DNAH8: variants seen among roughly 807,000 people sequenced by gnomAD.
DNAH8 encodes dynein axonemal heavy chain 8, also known as axonemal beta dynein heavy chain 8.
In DNAH8, 382 loss-of-function variants were observed where a neutral mutation model predicts 562.1. The ratio of observed to expected loss-of-function variants is 0.68; its 90% CI spans 0.63 to 0.74. DNAH8 has a LOEUF of 0.74. Among genes scored for constraint, DNAH8 ranks in the 30% least tolerant of loss-of-function variants. The pLI is 0.00. For missense variants in DNAH8, 5,203 were observed against 5,620.4 expected, an observed-to-expected ratio of 0.93 and a Z score of 2.37; for synonymous variants, 1,881 against 1,919.4, an observed-to-expected ratio of 0.98 and a Z score of 0.52.
intron 87 of DNAH8, among the ~76,000 whole-genome samples, chr6:38,989,563 A>AT (rs746903243): frequency 6.6e-6 from 1 of 152,204 alleles, no homozygotes; most frequent in Non-Finnish European, 1.5e-5. Flanking sequence ...GCTGGGGCTC[A>AT]TTGCTGTGTG....
chr6:38,751,776 A>C (rs1562650553), intron 9 of DNAH8, among the ~76,000 whole-genome samples: 1 of 152,204 alleles, frequency 6.6e-6, no homozygotes, highest in Non-Finnish European at 1.5e-5. Flanking sequence ...ATTTAATAGA[A>C]GGAGAAGTCA....
rs572577008 is a variant in DNAH8 at position 38,790,436 on chromosome 6, C to T, written c.2781+31C>T. On this transcript the variant is annotated intron_variant, in intron 20 of 92. Transcript: ENST00000327475. Reference sequence around the variant, plus strand: ...ATCTATACATTTAAAAAGCTATCAACATATATACTCAGGATATAAGTAATA... The same window carrying T: ...ATCTATACATTTAAAAAGCTATCAATATATATACTCAGGATATAAGTAATA... 9.7e-6 allele frequency: 10 copies of T among 1,030,222 alleles called. No homozygotes were observed. In the African/African-American group the frequency reaches 1.1e-4, roughly 12 times the overall value. The allele number at this position is 1,030,222 out of a possible 1,614,324, so 63.8% of individuals were successfully genotyped here.
In DNAH8 at chr6:38,934,564, G is replaced by T. The variant is rs564724316; in HGVS notation, c.11458-1028G>T. Among the ~76,000 whole-genome samples, 5 of 152,092 alleles carry T rather than the reference G, an allele frequency of 3.3e-5. No homozygotes were observed. The South Asian group carries it at 1.0e-3, about 32-fold the overall frequency. On this transcript the variant is annotated intron_variant, in intron 76 of 92. Transcript: ENST00000327475. Reference sequence around the variant, plus strand: ...AAGTTTTAAAACACCTTCTTTTAACGTAATTCTAAGTGCAGCATGTGATTC... The same window carrying T: ...AAGTTTTAAAACACCTTCTTTTAACTTAATTCTAAGTGCAGCATGTGATTC...
chr6:38,753,168 T>C (rs1765611021), intron 9 of DNAH8, among the ~76,000 whole-genome samples: 1 of 152,180 alleles, frequency 6.6e-6, no homozygotes, highest in Non-Finnish European at 1.5e-5. Flanking sequence ...ACTTGTGTTG[T>C]GAACCTTTGT....
intron 21 of DNAH8, among the ~76,000 whole-genome samples, chr6:38,794,739 T>C (rs1770068114): frequency 6.6e-6 from 1 of 152,252 alleles, no homozygotes; most frequent in Admixed American, 6.5e-5. Context: ...CATTCGTTCT[T>C]TCATTTCAAC....
intron 42 of DNAH8, among the ~76,000 whole-genome samples, chr6:38,860,178 T>C (rs1009000735): frequency 8.5e-5 from 13 of 152,298 alleles, no homozygotes; most frequent in African/African-American, 3.1e-4. Flanking sequence ...CTGCTCCATA[T>C]ATTCATGAGC....
intron 49 of DNAH8, among the ~76,000 whole-genome samples, chr6:38,871,579 G>A (rs1264911881): frequency 1.3e-5 from 2 of 152,036 alleles, no homozygotes; most frequent in Admixed American, 6.6e-5. Flanking sequence ...AAAATGTTAG[G>A]AGAATAACTC....
In DNAH8 at chr6:39,008,794, C is replaced by T. The variant is rs779667072; in HGVS notation, c.13215-20C>T. On this transcript the variant is annotated intron_variant, in intron 88 of 92. Transcript: ENST00000327475. ...ACATGTTTCCCTGTAACATTCTGAA[C>T]AGCTCACTCTTTTTACTAGGTATCA... 3.3e-6 allele frequency: 5 copies of T among 1,529,360 alleles called. No homozygotes were observed. The highest frequency in any genetic ancestry group is 3.4e-4 in the Middle Eastern group (2 of 5,826). 94.7% of individuals were successfully genotyped at this position (1,529,360 alleles called of 1,614,324 possible). A position where few individuals can be genotyped will look rare whatever the true frequency, so the allele number is the denominator to read the frequency against.
At chr6:38,836,890 A>AG (rs1774349887) in intron 32 of DNAH8, among the ~76,000 whole-genome samples, 1 of 151,720 alleles carries the variant, frequency 6.6e-6, no homozygotes, top group Admixed American at 6.6e-5. Context: ...TGCAACCTGA[A>AG]GGAAAAAAAA....
chr6:38,885,515 G>A (rs549011507), intron 56 of DNAH8, among the ~76,000 whole-genome samples: 1 of 152,138 alleles, frequency 6.6e-6, no homozygotes, highest in African/African-American at 2.4e-5. Flanking sequence ...CACTCTTCTG[G>A]TCAACATCCT....
intron 91 of DNAH8, among the ~76,000 whole-genome samples, chr6:39,018,106 GC>G (rs1166807046): frequency 6.6e-6 from 1 of 152,160 alleles, no homozygotes; most frequent in Non-Finnish European, 1.5e-5. Flanking sequence ...GCACTAACCT[GC>G]CCTGTCCCCA....
At chr6:39,005,753 A>G (rs761387604) in intron 88 of DNAH8, among the ~76,000 whole-genome samples, 15 of 152,224 alleles carry the variant, frequency 9.9e-5, no homozygotes, top group Non-Finnish European at 2.2e-4. Context: ...ATTAGAAGAC[A>G]CTTTTCCATT....
chr6:38,776,430 C>G (rs1768085595), intron 13 of DNAH8, among the ~76,000 whole-genome samples: 1 of 152,114 alleles, frequency 6.6e-6, no homozygotes, highest in Non-Finnish European at 1.5e-5. Flanking sequence ...GTTGGCCAGG[C>G]TGGTCTTGAA....
chr6:38,971,664 A>C lies in DNAH8; in HGVS notation c.12524A>C (p.Gln4175Pro), dbSNP rs1342088824. The change falls in exon 83 of 93, where the codon CAG (glutamine) becomes CCG (proline). Residue 4175 changes from glutamine to proline, a missense_variant and splice_region_variant. This residue lies in a region of DNAH8 where 1,399 missense variants were observed against 1,518.4 expected (regional missense o/e 0.92). Transcript: ENST00000327475. ...ARKLIQMSMQ[Q>P]GGWVLLQNCH... is the part of the protein sequence containing the mutation. Reference sequence around the variant, plus strand: ...AAGCTGATTCAGATGTCAATGCAGCAGGTATGTGACAAGAGACTGCTCCTG... The same window carrying C: ...AAGCTGATTCAGATGTCAATGCAGCCGGTATGTGACAAGAGACTGCTCCTG... 6.3e-7 allele frequency: 1 copy of C among 1,598,292 alleles called. No individual in the cohort carries two copies. The highest frequency in any genetic ancestry group is 1.3e-5 in the African/African-American group (1 of 74,398).
chr6:38,942,922 A>G (rs1783578699), intron 79 of DNAH8, among the ~76,000 whole-genome samples: 1 of 152,242 alleles, frequency 6.6e-6, no homozygotes, highest in Non-Finnish European at 1.5e-5. Flanking sequence ...GAGGAGACTG[A>G]GAAACACGGC....
chr6:38,932,455 T>C (rs1782627452), intron 76 of DNAH8, among the ~76,000 whole-genome samples: 1 of 152,140 alleles, frequency 6.6e-6, no homozygotes. Context: ...AGCAGGGAAA[T>C]TATGTCTAAC....
Position 38,862,272 on chromosome 6 carries a change from A to C in DNAH8, c.6132-8A>C. On this transcript the variant is annotated splice_polypyrimidine_tract_variant and splice_region_variant and intron_variant, in intron 43 of 92. Transcript: ENST00000327475. ...ACTCACAATGCTTTATTGGATGAAC[A>C]TTTGCAGATGCTATATCACGTTAGC... 1.2e-6 allele frequency: 2 copies of C among 1,608,952 alleles called. No homozygotes were observed. The highest frequency in any genetic ancestry group is 1.7e-6 in the Non-Finnish European group (2 of 1,177,916).
At chr6:38,930,902 T>G (rs1181497619) in intron 75 of DNAH8, among the ~76,000 whole-genome samples, 2 of 152,104 alleles carry the variant, frequency 1.3e-5, no homozygotes, top group Non-Finnish European at 2.9e-5. Context: ...GACCAACATC[T>G]CCCCATTTCT....
At position 38,850,379 on chromosome 6, in the gene DNAH8, T is replaced by C. The variant is rs1583179547; in HGVS notation, c.5328T>C (p.His1776=). The change falls in exon 38 of 93, where the codon CAT becomes CAC. Residue 1776 remains histidine, a synonymous_variant. Transcript: ENST00000327475. ...ETMGQLLPHL[H]EQLEVCQKSL... Reference sequence around the variant, plus strand: ...TGGGACAACTTTTACCTCATTTACATGAGCAGTTGGAAGTATGTCAGAAGT... The same window carrying C: ...TGGGACAACTTTTACCTCATTTACACGAGCAGTTGGAAGTATGTCAGAAGT... 8.7e-6 allele frequency: 14 copies of C among 1,613,534 alleles called. No individual in the cohort carries two copies. The highest frequency in any genetic ancestry group is 9.3e-6 in the Non-Finnish European group (11 of 1,179,602).
Sources: gnomAD v4.1 joint callset for allele counts (sites outside exome capture counted in the v4.1 genomes callset) on GRCh38, gnomAD v4.1.1 for gene constraint, gnomAD v4.1.1 regional missense constraint, MANE v1.5 for transcripts, NCBI Gene and HGNC (gene_info 2026-07-23, HGNC 2026-07-21) for gene names.